GTF2I: variants seen among roughly 807,000 people sequenced by gnomAD.
GTF2I encodes the protein general transcription factor II-I.
Under a neutral mutation model 67.6 loss-of-function variants are expected in GTF2I, and 12 were observed. That is an observed-to-expected ratio of 0.18 (90% CI 0.11 to 0.29). The LOEUF (loss-of-function observed/expected upper bound fraction) is 0.29. Among genes scored for constraint, GTF2I ranks in the 10% least tolerant of loss-of-function variants. The pLI, the probability that GTF2I is intolerant of heterozygous loss-of-function variation, is 1.00. For synonymous variants in GTF2I, 149 were observed against 197.0 expected, an observed-to-expected ratio of 0.76 and a Z score of 2.04; for missense variants, 271 against 580.1, an observed-to-expected ratio of 0.47 and a Z score of 5.47.
intron 14 of GTF2I, among the ~76,000 whole-genome samples, chr7:74,731,940 A>G (rs1313498924): frequency 6.6e-6 from 1 of 151,484 alleles, no homozygotes; most frequent in Admixed American, 6.6e-5. Context: ...GGCTCTGGGG[A>G]CACAGTGCCT....
intron 8 of GTF2I, 61 bp downstream of exon 8, chr7:74,706,494 A>G (rs907442861): frequency 1.6e-6 from 2 of 1,248,424 alleles, no homozygotes; most frequent in Non-Finnish European, 2.4e-6. Context: ...CTTAGTGTAG[A>G]AGTTTATAGT....
chr7:74,716,881 A>G lies in GTF2I; in HGVS notation c.824-13A>G. On this transcript the variant is annotated splice_polypyrimidine_tract_variant and intron_variant, in intron 10 of 34. Transcript: ENST00000573035. ...TTTATTGGTTTATTATATGTTGTTT[A>G]TTTTCTTTTTAGGAAGCCACCATTC... 1 of 1,579,988 alleles carries G rather than the reference A, an allele frequency of 6.3e-7. No homozygotes were observed. Among genetic ancestry groups the G allele is most frequent in the Non-Finnish European group, 8.7e-7 (1 of 1,152,404 alleles).
At chr7:74,682,203 C>G (rs781787909) in intron 1 of GTF2I, among the ~76,000 whole-genome samples, 1 of 152,170 alleles carries the variant, frequency 6.6e-6, no homozygotes, top group Non-Finnish European at 1.5e-5. Flanking sequence ...TAAAGTAGTT[C>G]TGGCTAATTC....
At chr7:74,704,626 T>C (rs145120044) in intron 6 of GTF2I, among the ~76,000 whole-genome samples, 176 of 151,580 alleles carry the variant, frequency 1.2e-3, no homozygotes, top group African/African-American at 4.2e-3. Flanking sequence ...AGAGTGGGAG[T>C]CTCCCTTGAG....
intron 1 of GTF2I, among the ~76,000 whole-genome samples, chr7:74,661,673 G>GT (rs1383166880): frequency 3.1e-4 from 34 of 111,402 alleles, no homozygotes; most frequent in African/African-American, 1.1e-3. Context: ...GAGCGAGACT[G>GT]TGTCTCAAAA....
At chr7:74,662,379 T>A in intron 1 of GTF2I, among the ~76,000 whole-genome samples, 1 of 151,524 alleles carries the variant, frequency 6.6e-6, no homozygotes, top group East Asian at 1.9e-4. Context: ...CCTGGCTAAC[T>A]TTGTATTTTT....
rs1788251121 is a variant in GTF2I, at chr7:74,691,109, A to G, written c.236A>G (p.Tyr79Cys). 6.3e-7 allele frequency: 1 copy of G among 1,587,050 alleles called. No homozygotes were observed. Reference protein sequence around the residue: ...RKDFQKDFVKYCVEEEEKAAE... With the variant: ...RKDFQKDFVKCCVEEEEKAAE... ...GATTTTCAAAAAGATTTTGTAAAAT[A>G]TTGTAAGCATTGTATTTTTATCTTT... Residue 79 changes from tyrosine to cysteine, a missense_variant and splice_region_variant, in exon 3 of 35, where the codon TAT becomes TGT. Coordinates refer to ENST00000573035, the MANE Select transcript of GTF2I (RefSeq NM_032999.4).
At chr7:74,709,247 T>C (rs948428353) in intron 8 of GTF2I, among the ~76,000 whole-genome samples, 2 of 152,126 alleles carry the variant, frequency 1.3e-5, no homozygotes, top group African/African-American at 4.8e-5. Context: ...CCTTTTTATT[T>C]TTATTTATTT....
At chr7:74,699,124 A>G in intron 4 of GTF2I, 29 bp downstream of exon 4, 1 of 1,265,084 alleles carries the variant, frequency 7.9e-7, no homozygotes, top group Non-Finnish European at 1.1e-6. Context: ...ATTTTTCTAA[A>G]AGATACATTA....
chr7:74,695,706 C>T (rs1788823905), intron 3 of GTF2I, among the ~76,000 whole-genome samples: 1 of 152,084 alleles, frequency 6.6e-6, no homozygotes, highest in Non-Finnish European at 1.5e-5. Context: ...ATGTTAGTAA[C>T]TTATTTTTAA....
intron 3 of GTF2I, among the ~76,000 whole-genome samples, chr7:74,692,480 A>G (rs1404753390): frequency 2.6e-5 from 4 of 152,238 alleles, no homozygotes; most frequent in African/African-American, 9.6e-5. Context: ...TCCCTCACAG[A>G]TACGAGTCAC....
At chr7:74,669,621 C>T (rs1215407453) in intron 1 of GTF2I, among the ~76,000 whole-genome samples, 2 of 151,834 alleles carry the variant, frequency 1.3e-5, no homozygotes, top group Non-Finnish European at 2.9e-5. Flanking sequence ...CTGAAACCTC[C>T]GCCTCCTGTT....
chr7:74,698,982 C>T lies in GTF2I; in HGVS notation c.260C>T (p.Ala87Val). The change falls in exon 4 of 35, where the codon GCT becomes GTT. Residue 87 changes from alanine (A) to valine (V), a missense_variant. Physicochemically the swap from Ala to Val is moderately conservative, Grantham distance 64 (BLOSUM62 0). Coordinates refer to ENST00000573035, the MANE Select transcript of GTF2I (RefSeq NM_032999.4). ...VKYCVEEEEK[A>V]AEMHKMKSTT... ...ACAGGTGTTGAAGAAGAAGAAAAAG[C>T]TGCAGAGATGCATAAAATGAAATCT... is the stretch of plus-strand genomic sequence containing the variant. 6.9e-7 allele frequency: 1 copy of T among 1,444,784 alleles called. No individual in the cohort carries two copies. The highest frequency in any genetic ancestry group is 9.2e-7 in the Non-Finnish European group (1 of 1,081,486). 89.5% of individuals were successfully genotyped at this position (1,444,784 alleles called of 1,614,324 possible).
chr7:74,688,307 G>A (rs1554395992), intron 1 of GTF2I, among the ~76,000 whole-genome samples: 2 of 152,094 alleles, frequency 1.3e-5, no homozygotes, highest in Admixed American at 6.6e-5. Context: ...TCGAACTCCC[G>A]ACCTCAGGTG....
At chr7:74,683,771 C>T (rs782169198) in intron 1 of GTF2I, among the ~76,000 whole-genome samples, 8 of 152,104 alleles carry the variant, frequency 5.3e-5, no homozygotes, top group African/African-American at 1.7e-4. Flanking sequence ...GAGAATTACT[C>T]GCACCCAGGA....
At chr7:74,750,097 A>G (rs1444716901) in intron 26 of GTF2I, among the ~76,000 whole-genome samples, 8 of 104,846 alleles carry the variant, frequency 7.6e-5, no homozygotes, top group African/African-American at 2.1e-4. Context: ...AATATTTTCA[A>G]TTTCTCCTGT....
chr7:74,671,613 T>C (rs1442840390), intron 1 of GTF2I, among the ~76,000 whole-genome samples: 1 of 152,170 alleles, frequency 6.6e-6, no homozygotes, highest in African/African-American at 2.4e-5. Flanking sequence ...TTTATTGATG[T>C]AAGTGCCAGC....
intron 2 of GTF2I, among the ~76,000 whole-genome samples, chr7:74,689,870 C>A (rs75807513): frequency 6.6e-6 from 1 of 152,080 alleles, no homozygotes; most frequent in Non-Finnish European, 1.5e-5. Context: ...TGTGCGCCAC[C>A]ACGCTCGGGT....
chr7:74,662,067 C>T (rs1804546043), intron 1 of GTF2I, among the ~76,000 whole-genome samples: 1 of 151,914 alleles, frequency 6.6e-6, no homozygotes, highest in Admixed American at 6.6e-5. Flanking sequence ...TCTCCTCTGC[C>T]ACATGCCCCT....
Sources: allele counts gnomAD v4.1 joint callset (sites outside exome capture counted in the v4.1 genomes callset), GRCh38; gene constraint gnomAD v4.1.1; transcripts MANE v1.5; gene names NCBI Gene and HGNC (gene_info 2026-07-23, HGNC 2026-07-21).